XKR6: variants seen among roughly 807,000 people sequenced by gnomAD.
The protein encoded by XKR6 is XK related 6.
XKR6 carries 22 observed loss-of-function variants against 56.7 expected under a neutral mutation model. The ratio of observed to expected loss-of-function variants is 0.39; its 90% confidence interval spans 0.28 to 0.55. The LOEUF is 0.55. Among genes scored for constraint, XKR6 ranks in the 20% least tolerant of loss-of-function variants. The pLI is 0.66. For synonymous variants in XKR6, 524 were observed against 387.8 expected, an observed-to-expected ratio of 1.35 and a Z score of -4.13; for missense variants, 852 against 889.0, an observed-to-expected ratio of 0.96 and a Z score of 0.53.
intron 1 of XKR6, among the ~76,000 whole-genome samples, chr8:11,183,746 A>T (rs4382431): frequency 0.11 from 16,009 of 152,238 alleles, 1,046 homozygotes; most frequent in African/African-American, 0.18. Flanking sequence ...ATCTGTGTTG[A>T]TTAATATTAC....
intron 1 of XKR6, among the ~76,000 whole-genome samples, chr8:11,074,595 C>G (rs529498793): frequency 3.3e-5 from 5 of 152,312 alleles, no homozygotes; most frequent in Admixed American, 3.3e-4. Flanking sequence ...TTCATTCCAT[C>G]AACAAACATT....
At chr8:10,944,060 T>C (rs1286943142) in intron 1 of XKR6, among the ~76,000 whole-genome samples, 1 of 151,978 alleles carries the variant, frequency 6.6e-6, no homozygotes, top group Non-Finnish European at 1.5e-5. Flanking sequence ...GAGAGAAGCC[T>C]CTCCAGCTAG....
chr8:11,189,246 C>A (rs532982100), intron 1 of XKR6, among the ~76,000 whole-genome samples: 2 of 152,294 alleles, frequency 1.3e-5, no homozygotes, highest in East Asian at 1.9e-4. Flanking sequence ...AATTTCCAAG[C>A]ATAATAAAAT....
At chr8:11,055,292 G>C (rs1420352458) in intron 1 of XKR6, among the ~76,000 whole-genome samples, 3 of 152,124 alleles carry the variant, frequency 2.0e-5, no homozygotes, top group Non-Finnish European at 4.4e-5. Flanking sequence ...GGCAGGCCAA[G>C]GCAATAAGAT....
intron 1 of XKR6, among the ~76,000 whole-genome samples, chr8:11,012,513 T>TC (rs1265430174): frequency 6.6e-6 from 1 of 152,112 alleles, no homozygotes; most frequent in African/African-American, 2.4e-5. Flanking sequence ...ACCATCACCA[T>TC]CACCATCGAC....
At position 10,997,886 on chromosome 8, in the gene XKR6, G is replaced by C. The variant is rs146366520; in HGVS notation, c.765-73056C>G. ...GGGGTCAGAGGGGGAAGGCAAGAAA[G>C]CAACTTGACCTTAAAATAGCATGCT... On this transcript the variant is annotated intron_variant, in intron 1 of 2. Transcript: ENST00000416569. Among the ~76,000 whole-genome samples, 369 of 152,288 alleles carry C rather than the reference G, an allele frequency of 2.4e-3. 13 individuals are homozygous for C. Among genetic ancestry groups the C allele is most frequent in the Admixed American group, 0.022 (341 of 15,304 alleles).
intron 1 of XKR6, among the ~76,000 whole-genome samples, chr8:11,019,548 G>C (rs1207164155): frequency 1.3e-5 from 2 of 152,220 alleles, no homozygotes; most frequent in Non-Finnish European, 2.9e-5. Context: ...CAGGACTCAG[G>C]AACAGGCTGC....
At chr8:11,069,070 G>T (rs1247835062) in intron 1 of XKR6, among the ~76,000 whole-genome samples, 2 of 152,076 alleles carry the variant, frequency 1.3e-5, no homozygotes, top group African/African-American at 4.8e-5. Context: ...CCTTCCCCCA[G>T]TCTTGCCCCA....
At chr8:11,008,506 C>T (rs1348332155) in intron 1 of XKR6, among the ~76,000 whole-genome samples, 1 of 149,284 alleles carries the variant, frequency 6.7e-6, no homozygotes, top group African/African-American at 2.5e-5. Flanking sequence ...CTGCAACCTG[C>T]AACTCCTGGG....
chr8:11,127,265 A>T (rs1475372369), intron 1 of XKR6, among the ~76,000 whole-genome samples: 1 of 152,236 alleles, frequency 6.6e-6, no homozygotes, highest in Non-Finnish European at 1.5e-5. Flanking sequence ...GGTTGAGTTC[A>T]AGGCCAAGCT....
intron 1 of XKR6, among the ~76,000 whole-genome samples, chr8:10,959,515 G>A (rs1389226875): frequency 6.6e-6 from 1 of 152,126 alleles, no homozygotes; most frequent in Non-Finnish European, 1.5e-5. Flanking sequence ...TCCTGGTGAG[G>A]GCTCTCTTCC....
chr8:10,938,453 C>T (rs902548820), intron 1 of XKR6, among the ~76,000 whole-genome samples: 5 of 152,218 alleles, frequency 3.3e-5, no homozygotes, highest in African/African-American at 1.2e-4. Context: ...TACTTGCCTA[C>T]TATCCTTCCG....
In XKR6 at chr8:11,187,750, G is replaced by A. The variant is rs368810452; in HGVS notation, c.764+12826C>T. On this transcript the variant is annotated intron_variant, in intron 1 of 2. Transcript: ENST00000416569. ...CTGGGCTCTCCATCACTCAATGATG[G>A]TGTGGGGGCACATGAAGGCTACACT... is the stretch of plus-strand genomic sequence containing the variant. Among the ~76,000 whole-genome samples the A allele has an allele frequency of 7.9e-5, 12 of 152,294 alleles. No homozygotes were observed. The East Asian group carries it at 1.9e-3, about 24-fold the overall frequency.
intron 1 of XKR6, among the ~76,000 whole-genome samples, chr8:10,994,157 G>A (rs1048089104): frequency 1.3e-5 from 2 of 152,184 alleles, no homozygotes; most frequent in African/African-American, 4.8e-5. Context: ...ATGCAATTGG[G>A]TTTCCCACTG....
intron 1 of XKR6, among the ~76,000 whole-genome samples, chr8:11,148,517 C>T (rs191576252): frequency 6.6e-6 from 1 of 152,224 alleles, no homozygotes; most frequent in African/African-American, 2.4e-5. Context: ...TTTGTTATGG[C>T]TGTGCTAGCA....
rs546905944 is a variant in XKR6 at position 10,939,013 on chromosome 8, C to T, written c.765-14183G>A. Among the ~76,000 whole-genome samples, 230 of 152,258 alleles carry T rather than the reference C, an allele frequency of 1.5e-3. 2 individuals carry two copies. The highest frequency in any genetic ancestry group is 3.4e-3 in the Middle Eastern group (1 of 294). On this transcript the variant is annotated intron_variant, in intron 1 of 2. Transcript: ENST00000416569. ...AGCTTCAGTGGGGCCGCAAGAAATC[C>T]ATCTGTCCCCGAACACTATCTGCAA...
intron 1 of XKR6, among the ~76,000 whole-genome samples, chr8:11,131,234 T>C (rs919700725): frequency 6.6e-6 from 1 of 152,194 alleles, no homozygotes; most frequent in Non-Finnish European, 1.5e-5. Flanking sequence ...TTTTTCTTTA[T>C]TTGTTACACA....
At chr8:11,062,675 G>A in intron 1 of XKR6, 1 of 450,642 alleles carries the variant, frequency 2.2e-6, no homozygotes, top group Non-Finnish European at 4.5e-6. Flanking sequence ...TCTTTAATGT[G>A]ATCTGGTTTT....
chr8:11,085,604 G>A (rs1036333561), intron 1 of XKR6, among the ~76,000 whole-genome samples: 1 of 152,136 alleles, frequency 6.6e-6, no homozygotes. Context: ...GCCAGAGCGG[G>A]AGATTATTCA....
Sources: gnomAD v4.1 joint callset for allele counts (sites outside exome capture counted in the v4.1 genomes callset) on GRCh38, gnomAD v4.1.1 for gene constraint, MANE v1.5 for transcripts, NCBI Gene and HGNC (gene_info 2026-07-23, HGNC 2026-07-21) for gene names.